RPS6KA2: variants seen among roughly 807,000 people sequenced by gnomAD.
RPS6KA2 encodes the protein ribosomal protein S6 kinase alpha-2.
In RPS6KA2, 42 loss-of-function variants were observed where a neutral mutation model predicts 91.8. That is an observed-to-expected ratio of 0.46 (90% confidence interval 0.36 to 0.59). The LOEUF (loss-of-function observed/expected upper bound fraction) is 0.59. Ranked by LOEUF, RPS6KA2 falls within the 20% of genes least tolerant of loss-of-function variation. The probability of loss-of-function intolerance (pLI) is 0.00; values close to 1 mark genes in which losing one functional copy is unlikely to be tolerated. For missense variants in RPS6KA2, 798 were observed against 978.5 expected, an observed-to-expected ratio of 0.82 and a Z score of 2.46; for synonymous variants, 414 against 393.6, an observed-to-expected ratio of 1.05 and a Z score of -0.61.
chr6:166,595,213 G>A (rs573184957), intron 1 of RPS6KA2, among the ~76,000 whole-genome samples: 8 of 151,998 alleles, frequency 5.3e-5, no homozygotes, highest in Admixed American at 1.3e-4. Context: ...CACCACGTCC[G>A]GCTAATGTTT....
intron 10 of RPS6KA2, among the ~76,000 whole-genome samples, chr6:166,478,446 C>T (rs1781063426): frequency 6.6e-6 from 1 of 152,164 alleles, no homozygotes; most frequent in Non-Finnish European, 1.5e-5. Context: ...GTGCTCTTGC[C>T]AGGGTGGATT....
chr6:166,830,025 T>A (rs913494249), intron 2 of RPS6KA2, among the ~76,000 whole-genome samples: 1 of 148,692 alleles, frequency 6.7e-6, no homozygotes, highest in Non-Finnish European at 1.5e-5. Context: ...ACTCCAGAGG[T>A]CAAGGGAGGA....
rs375836921 is a variant in RPS6KA2, at chr6:166,433,309, G to C, written c.1333-819C>G. Among the ~76,000 whole-genome samples the C allele has an allele frequency of 1.3e-5, 2 of 151,980 alleles. No homozygotes were observed. The highest frequency in any genetic ancestry group is 3.9e-4 in the East Asian group (2 of 5,178). Reference sequence around the variant, plus strand: ...AGCTCCCCTCCCCCGCCCAGCATCTGTATCCGATGTCTTAGGATAACAGAT... The same window carrying C: ...AGCTCCCCTCCCCCGCCCAGCATCTCTATCCGATGTCTTAGGATAACAGAT... On this transcript the variant is annotated intron_variant, in intron 14 of 20. Transcript: ENST00000265678. This position sits in a 1 kb window ranked among gnomAD's most constrained non-coding sequence, Gnocchi z 4.4.
rs1778337978 is a variant in RPS6KA2 at position 166,767,348 on chromosome 6, C to G, written c.123+90852G>C. Among the ~76,000 whole-genome samples, 1 of 152,216 alleles carries G rather than the reference C, an allele frequency of 6.6e-6. No homozygotes were observed. The highest frequency in any genetic ancestry group is 1.5e-5 in the Non-Finnish European group (1 of 68,052). On this transcript the variant is annotated intron_variant, in intron 2 of 21. Transcript: ENST00000503859. The surrounding 1 kb of genome is among the most constrained non-coding windows in gnomAD (Gnocchi z 4.6). ...AAGACAGAGGAAAACAGAAAAATCA[C>G]TCCTCTAACCAAGACCACAAAGGCC...
intron 1 of RPS6KA2, among the ~76,000 whole-genome samples, chr6:166,566,910 G>A (rs1583285790): frequency 6.6e-6 from 1 of 152,228 alleles, no homozygotes; most frequent in African/African-American, 2.4e-5. Flanking sequence ...ACAGAAAGCA[G>A]AGCTGGCAAC....
At chr6:166,724,714 G>A (rs1201871937) in intron 2 of RPS6KA2, among the ~76,000 whole-genome samples, 1 of 152,138 alleles carries the variant, frequency 6.6e-6, no homozygotes, top group Non-Finnish European at 1.5e-5. Context: ...CTATGCTGAG[G>A]GTGCAGGTTC....
Position 166,808,191 on chromosome 6 carries a change from C to T in RPS6KA2, c.123+50009G>A, listed in dbSNP as rs56950677. Among the ~76,000 whole-genome samples the T allele has an allele frequency of 5.6e-3, 850 of 152,324 alleles. 11 individuals carry two copies. Among genetic ancestry groups the T allele is most frequent in the African/African-American group, 0.019 (794 of 41,566 alleles). ...GTCCATCACAGGGACACACACCACT[C>T]CTCAGGGAGCAACTTTTCACCCAGG... is the stretch of plus-strand genomic sequence containing the variant. On this transcript the variant is annotated intron_variant, in intron 2 of 21. Transcript: ENST00000503859.
intron 1 of RPS6KA2, among the ~76,000 whole-genome samples, chr6:166,615,525 G>A (rs1037364211): frequency 2.0e-5 from 3 of 152,074 alleles, no homozygotes; most frequent in African/African-American, 4.8e-5. Context: ...CAGTCACATC[G>A]GAAGGACCTG....
rs568101312 is a variant in RPS6KA2 at position 166,858,444 on chromosome 6, G to A, written c.64-185C>T. Among the ~76,000 whole-genome samples, 201 of 152,322 alleles carry A rather than the reference G, an allele frequency of 1.3e-3. 1 individual carries two copies. Among genetic ancestry groups the A allele is most frequent in the Non-Finnish European group, 2.1e-3 (145 of 68,032 alleles). ...TTTAACTGTGTGATGCTTCATGTCC[G>A]AGATGGATCCTTTATACAACAGGTG... On this transcript the variant is annotated intron_variant, in intron 1 of 21. Coordinates refer to the RPS6KA2 transcript ENST00000503859.
Position 166,603,983 on chromosome 6 carries a change from A to T in RPS6KA2, c.99+22938T>A, listed in dbSNP as rs1785845365. Among the ~76,000 whole-genome samples, 1 of 152,188 alleles carries T rather than the reference A, an allele frequency of 6.6e-6. No individual in the cohort carries two copies. The highest frequency in any genetic ancestry group is 2.1e-4 in the South Asian group (1 of 4,832). ...CTCGTCCTAACGTGTCCCTCCTAGA[A>T]GTCACGAAGAGAAAAGGGCGAGACT... On this transcript the variant is annotated intron_variant, in intron 1 of 20. Transcript: ENST00000265678. This position sits in a 1 kb window ranked among gnomAD's most constrained non-coding sequence, Gnocchi z 4.3.
chr6:166,831,768 C>A (rs1780187868), intron 2 of RPS6KA2, among the ~76,000 whole-genome samples: 1 of 147,556 alleles, frequency 6.8e-6, no homozygotes, highest in Non-Finnish European at 1.5e-5. Context: ...AACAGAATTA[C>A]ATACTAGATA....
At chr6:166,663,090 G>A (rs1275006145) in intron 2 of RPS6KA2, among the ~76,000 whole-genome samples, 1 of 152,070 alleles carries the variant, frequency 6.6e-6, no homozygotes, top group Non-Finnish European at 1.5e-5. Flanking sequence ...ACTTCTAAAA[G>A]GATGAACCAA....
At chr6:166,620,035 A>T (rs1031529461) in intron 1 of RPS6KA2, among the ~76,000 whole-genome samples, 3 of 152,214 alleles carry the variant, frequency 2.0e-5, no homozygotes. Context: ...TGTGTGGCCA[A>T]GATGTCTTGG....
chr6:166,764,350 C>T (rs1000511949), intron 2 of RPS6KA2, among the ~76,000 whole-genome samples: 10 of 152,104 alleles, frequency 6.6e-5, no homozygotes, highest in African/African-American at 1.9e-4. Flanking sequence ...GAGGCTCTGC[C>T]CAGGGTGGCC....
intron 2 of RPS6KA2, among the ~76,000 whole-genome samples, chr6:166,646,700 G>A (rs1787614596): frequency 6.6e-6 from 1 of 152,208 alleles, no homozygotes; most frequent in African/African-American, 2.4e-5. Context: ...TTACCCCAAA[G>A]AAGTGAACCC....
intron 1 of RPS6KA2, among the ~76,000 whole-genome samples, chr6:166,625,475 A>G (rs1357787716): frequency 2.6e-5 from 4 of 152,040 alleles, no homozygotes; most frequent in Admixed American, 2.0e-4. Context: ...GCCAGTGTCT[A>G]GTGCTGCTCT....
At chr6:166,860,794 T>G (rs905771409) in intron 1 of RPS6KA2, among the ~76,000 whole-genome samples, 6 of 152,292 alleles carry the variant, frequency 3.9e-5, no homozygotes, top group African/African-American at 1.4e-4. Flanking sequence ...ATTCAATATT[T>G]AGAAAAATTG....
At chr6:166,640,416 A>G (rs879899096) in intron 2 of RPS6KA2, among the ~76,000 whole-genome samples, 2 of 152,166 alleles carry the variant, frequency 1.3e-5, no homozygotes, top group Admixed American at 1.3e-4. Context: ...AGACAGGGGG[A>G]GCTGAGAATA....
intron 2 of RPS6KA2, among the ~76,000 whole-genome samples, chr6:166,816,277 G>A (rs182725555): frequency 1.1e-3 from 161 of 151,856 alleles, no homozygotes; most frequent in African/African-American, 3.6e-3. Context: ...CAGGTGTGGC[G>A]GCTTACACCT....
Sources: allele counts gnomAD v4.1 joint callset (sites outside exome capture counted in the v4.1 genomes callset), GRCh38; gene constraint gnomAD v4.1.1; non-coding constraint Gnocchi (gnomAD v3.1); transcripts MANE v1.5; gene names NCBI Gene and HGNC (gene_info 2026-07-23, HGNC 2026-07-21).